ERBB4: variants seen among roughly 807,000 people sequenced by gnomAD.
ERBB4 encodes the protein erb-b2 receptor tyrosine kinase 4, also known as receptor tyrosine-protein kinase erbB-4.
Under a neutral mutation model 158.0 loss-of-function variants are expected in ERBB4, and 42 were observed. The ratio of observed to expected loss-of-function variants is 0.27; its 90% CI spans 0.21 to 0.34. ERBB4 has a LOEUF of 0.34. Among genes scored for constraint, ERBB4 ranks in the 10% least tolerant of loss-of-function variants. ERBB4 has a pLI of 1.00. For missense variants in ERBB4, 1,333 were observed against 1,624.1 expected (o/e 0.82, Z 3.08); for synonymous variants, 583 against 558.7 (o/e 1.04, Z -0.61).
At chr2:211,647,029 T>G (rs1042298981) in intron 16 of ERBB4, among the ~76,000 whole-genome samples, 2 of 151,768 alleles carry the variant, frequency 1.3e-5, no homozygotes, top group African/African-American at 4.8e-5. Context: ...ATCTACAATC[T>G]CAAAGAGAAT....
chr2:211,706,330 C>T (rs1442329981), intron 9 of ERBB4, among the ~76,000 whole-genome samples: 2 of 151,926 alleles, frequency 1.3e-5, no homozygotes, highest in Non-Finnish European at 2.9e-5. Flanking sequence ...TTTGGTATGG[C>T]GAATAACCAT....
At chr2:211,717,808 C>G (rs1000802092) in intron 7 of ERBB4, among the ~76,000 whole-genome samples, 3 of 152,258 alleles carry the variant, frequency 2.0e-5, no homozygotes, top group Admixed American at 2.0e-4. Flanking sequence ...GCCTGGGTGA[C>G]AGAACCAGAC....
intron 20 of ERBB4, among the ~76,000 whole-genome samples, chr2:211,433,606 G>A (rs2125437465): frequency 6.6e-6 from 1 of 152,020 alleles, no homozygotes; most frequent in African/African-American, 2.4e-5. Context: ...TAAAAAAAGG[G>A]GAGTGAGAGA....
intron 20 of ERBB4, among the ~76,000 whole-genome samples, chr2:211,511,407 TAC>T (rs1035893966): frequency 6.6e-6 from 1 of 152,048 alleles, no homozygotes; most frequent in African/African-American, 2.4e-5. Flanking sequence ...ACAGATATAT[TAC>T]ACAAAAGCAA....
intron 20 of ERBB4, among the ~76,000 whole-genome samples, chr2:211,523,265 G>C (rs1023006823): frequency 1.4e-5 from 2 of 144,956 alleles, no homozygotes; most frequent in Non-Finnish European, 3.0e-5. Flanking sequence ...AGGAAAAACA[G>C]CCTTGAATTG....
intron 1 of ERBB4, among the ~76,000 whole-genome samples, chr2:212,162,296 T>A (rs938614658): frequency 6.6e-6 from 1 of 151,898 alleles, no homozygotes; most frequent in Non-Finnish European, 1.5e-5. Flanking sequence ...AAAAACATTA[T>A]CTTTGAAAAA....
intron 16 of ERBB4, among the ~76,000 whole-genome samples, chr2:211,652,148 A>G (rs1000344995): frequency 2.6e-5 from 4 of 152,154 alleles, no homozygotes; most frequent in Non-Finnish European, 5.9e-5. Context: ...TAACTGTATG[A>G]ACAGTAATTA....
At position 211,415,107 on chromosome 2, in the gene ERBB4, C is replaced by CTTTTTTTTTTT. The variant is rs71047175; in HGVS notation, c.3135+5323_3135+5333dup. Reference sequence around the variant, plus strand: ...CAAATCCCATTGAAACTTACATTTTCTTTTTTTTTTTTTTTTTTTTTTTTT... The same window carrying CTTTTTTTTTTT: ...CAAATCCCATTGAAACTTACATTTTCTTTTTTTTTTTTTTTTTTTTTTTTTTTTTTTTTTTT... On this transcript the variant is annotated intron_variant, in intron 25 of 27. Coordinates refer to ENST00000342788, the MANE Select transcript of ERBB4 (RefSeq NM_005235.3). Among the ~76,000 whole-genome samples the CTTTTTTTTTTT allele has an allele frequency of 3.6e-4, 26 of 72,536 alleles. 2 individuals carry two copies. The highest frequency in any genetic ancestry group is 7.2e-4 in the African/African-American group (13 of 18,164). 47.6% of individuals were successfully genotyped at this position (72,536 alleles called of 152,430 possible). A position where few individuals can be genotyped will look rare whatever the true frequency, so the allele number is the denominator to read the frequency against.
intron 1 of ERBB4, among the ~76,000 whole-genome samples, chr2:212,470,654 A>T (rs2106115087): frequency 6.6e-6 from 1 of 152,214 alleles, no homozygotes; most frequent in East Asian, 1.9e-4. Flanking sequence ...AAGGAAGAAG[A>T]GTGGTTTCTG....
At position 211,738,492 on chromosome 2, in the gene ERBB4, T is replaced by C. The variant is rs1245833662; in HGVS notation, c.622+12147A>G. Among the ~76,000 whole-genome samples, 3 of 151,064 alleles carry C rather than the reference T, an allele frequency of 2.0e-5. No homozygotes were observed. The East Asian group carries it at 5.9e-4, about 30-fold the overall frequency. ...CAAGGGATTCTCCTGCCTCAGCCTC[T>C]TGAGTAGCTGGGACTACAGGTGTCT... is the stretch of plus-strand genomic sequence containing the variant. On this transcript the variant is annotated intron_variant, in intron 5 of 27. Transcript: ENST00000342788.
At chr2:211,811,357 C>T (rs1052222831) in intron 3 of ERBB4, among the ~76,000 whole-genome samples, 3 of 152,154 alleles carry the variant, frequency 2.0e-5, no homozygotes, top group Non-Finnish European at 2.9e-5. Context: ...TCTCTTCTGG[C>T]TTGTAGAGTT....
At chr2:211,796,231 T>G (rs2076379294) in intron 3 of ERBB4, among the ~76,000 whole-genome samples, 1 of 151,926 alleles carries the variant, frequency 6.6e-6, no homozygotes, top group Admixed American at 6.6e-5. Context: ...TTTTGTATTT[T>G]ACGTATATAG....
chr2:212,097,454 T>C (rs2078964377), intron 2 of ERBB4, among the ~76,000 whole-genome samples: 1 of 152,140 alleles, frequency 6.6e-6, no homozygotes, highest in Admixed American at 6.5e-5. Flanking sequence ...TGGTGGCAGA[T>C]AGTTTGGTGA....
chr2:211,810,720 C>A (rs537363003), intron 3 of ERBB4, among the ~76,000 whole-genome samples: 1 of 133,576 alleles, frequency 7.5e-6, no homozygotes, highest in South Asian at 2.4e-4. Context: ...GGTGGGACTG[C>A]GGACTGCAGT....
chr2:211,670,006 T>C (rs1179456959), intron 14 of ERBB4, among the ~76,000 whole-genome samples: 1 of 152,190 alleles, frequency 6.6e-6, no homozygotes, highest in African/African-American at 2.4e-5. Context: ...GAAATATTCA[T>C]AGATCAAAAA....
At chr2:211,719,310 A>G (rs906436385) in intron 7 of ERBB4, among the ~76,000 whole-genome samples, 19 of 152,154 alleles carry the variant, frequency 1.2e-4, no homozygotes, top group Admixed American at 7.2e-4. Context: ...TGTGATATCC[A>G]TTTCTTCCAG....
At chr2:211,419,159 A>T (rs531103945) in intron 25 of ERBB4, among the ~76,000 whole-genome samples, 1 of 152,232 alleles carries the variant, frequency 6.6e-6, no homozygotes, top group East Asian at 1.9e-4. Context: ...ACAGTGTAGT[A>T]GGCAGATATC....
chr2:211,386,485 A>T (rs538397262), intron 27 of ERBB4, among the ~76,000 whole-genome samples: 1 of 152,312 alleles, frequency 6.6e-6, no homozygotes, highest in South Asian at 2.1e-4. Flanking sequence ...GATCTCCGCA[A>T]TTAAGTCCAA....
At chr2:212,083,908 T>C (rs2078521866) in intron 2 of ERBB4, among the ~76,000 whole-genome samples, 2 of 116,054 alleles carry the variant, frequency 1.7e-5, no homozygotes, top group African/African-American at 3.2e-5. Context: ...ATTTTCTCCA[T>C]ATGGATTGTT....
Sources: gnomAD v4.1 joint callset for allele counts (sites outside exome capture counted in the v4.1 genomes callset) on GRCh38, gnomAD v4.1.1 for gene constraint, MANE v1.5 for transcripts, NCBI Gene and HGNC (gene_info 2026-07-23, HGNC 2026-07-21) for gene names.